The following R3HDML variants were observed in gnomAD, a reference collection of about 807,000 sequenced individuals.
R3HDML encodes R3H domain containing like, also known as peptidase inhibitor R3HDML.
Under a neutral mutation model 24.2 loss-of-function variants are expected in R3HDML, and 21 were observed. That is an observed-to-expected ratio of 0.87 (90% CI 0.62 to 1.25). R3HDML has a LOEUF of 1.25. R3HDML is among the 50% of genes most tolerant of loss of function. The pLI is 0.00. For missense variants in R3HDML, 301 were observed against 340.3 expected (o/e 0.88, Z 0.91); for synonymous variants, 133 against 131.5 (o/e 1.01, Z -0.08).
chr20:44,339,084 AT>A (rs1427480458), intron 1 of R3HDML, among the ~76,000 whole-genome samples: 21 of 150,576 alleles, frequency 1.4e-4, no homozygotes, highest in African/African-American at 3.9e-4. Flanking sequence ...AAAAAAAAAA[AT>A]ATTGGGCCAG....
chr20:44,343,178 A>G (rs1463139005), intron 2 of R3HDML, among the ~76,000 whole-genome samples, 199 bp from the exon 3 acceptor site: 1 of 152,092 alleles, frequency 6.6e-6, no homozygotes, highest in African/African-American at 2.4e-5. Context: ...AGGACTTACC[A>G]CTTGCCAGGT....
In R3HDML at chr20:44,341,291, G is replaced by A. The variant is rs373263124; in HGVS notation, c.357G>A (p.Gln119=). The A allele has an allele frequency of 6.2e-5, 100 of 1,613,882 alleles. No homozygotes were observed. Among genetic ancestry groups the A allele is most frequent in the Non-Finnish European group, 8.1e-5 (95 of 1,179,872 alleles). The change falls in exon 2 of 5, where the codon CAG becomes CAA. Residue 119 remains glutamine (Q), a synonymous_variant. Coordinates refer to ENST00000217043, the MANE Select transcript of R3HDML (RefSeq NM_178491.4). The stretch of plus-strand genomic sequence containing the variant: ...CACAGCTGATGAGATACGTGGGCCA[G>A]AACCTCTCCATCCATTCTGGCCAGT... The part of the protein sequence containing the change: ...GPSQLMRYVG[Q]NLSIHSGQYR...
chr20:44,342,627 T>C (rs899108846), intron 2 of R3HDML, among the ~76,000 whole-genome samples: 1 of 152,216 alleles, frequency 6.6e-6, no homozygotes, highest in East Asian at 1.9e-4. Flanking sequence ...TTTTTATATA[T>C]TTGTGCCCCT....
At chr20:44,340,345 C>A (rs1202976342) in intron 1 of R3HDML, among the ~76,000 whole-genome samples, 2 of 152,176 alleles carry the variant, frequency 1.3e-5, no homozygotes, top group African/African-American at 2.4e-5. Context: ...CCTGCCTCAG[C>A]CTCCCAAAAG....
Position 44,343,505 on chromosome 20 carries a change from C to A in R3HDML, c.509C>A (p.Thr170Asn). Residue 170 changes from threonine (T) to asparagine (N), a missense_variant, in exon 3 of 5, where the codon ACC becomes AAC. Coordinates refer to ENST00000217043, the MANE Select transcript of R3HDML (RefSeq NM_178491.4). ...GATGGCCCCACCTGCTCCCATTATA[C>A]CCAGGTACTCCTCCGTCAGGGCTGA... ...RCDGPTCSHY[T>N]QMVWASSNRL... The A allele has an allele frequency of 6.2e-7, 1 of 1,601,430 alleles. No individual in the cohort carries two copies. The highest frequency in any genetic ancestry group is 8.5e-7 in the Non-Finnish European group (1 of 1,174,110).
chr20:44,337,375 T>C lies in R3HDML; in HGVS notation c.218T>C (p.Ile73Thr). ...MNALLDYHNH[I>T]RASVYPPAAN... ...GCCTTACTGGATTATCACAACCACA[T>C]CCGGGCCAGTGTGTACCCACCTGCC... Residue 73 changes from isoleucine to threonine, a missense_variant, in exon 1 of 5, where the codon ATC becomes ACC. Ile to Thr is a moderately conservative substitution (Grantham distance 89). Coordinates refer to ENST00000217043, the MANE Select transcript of R3HDML (RefSeq NM_178491.4). The surrounding 1 kb of genome is among the most constrained non-coding windows in gnomAD (Gnocchi z 4.7). 1.2e-6 allele frequency: 2 copies of C among 1,614,100 alleles called. No individual in the cohort carries two copies. The highest frequency in any genetic ancestry group is 1.7e-6 in the Non-Finnish European group (2 of 1,180,002).
chr20:44,342,850 A>G (rs541841762), intron 2 of R3HDML, among the ~76,000 whole-genome samples: 123 of 152,256 alleles, frequency 8.1e-4, no homozygotes, highest in Non-Finnish European at 1.4e-3. Context: ...GCTACTTGGG[A>G]GGCTGAGGCA....
intron 1 of R3HDML, among the ~76,000 whole-genome samples, chr20:44,339,579 ATGTGTGTGTGTG>A (rs140076477): frequency 1.4e-5 from 2 of 147,914 alleles, no homozygotes; most frequent in African/African-American, 5.0e-5. Flanking sequence ...GCCTATATAT[ATGTGTGTGTGTG>A]TGTGTGTGTG....
chr20:44,344,195 C>T (rs1405890705), intron 3 of R3HDML, among the ~76,000 whole-genome samples: 3 of 151,788 alleles, frequency 2.0e-5, no homozygotes, highest in Non-Finnish European at 4.4e-5. Flanking sequence ...GCAGGACAAT[C>T]ACTTGAACCC....
chr20:44,340,824 A>G (rs2062770240), intron 1 of R3HDML, among the ~76,000 whole-genome samples: 1 of 152,192 alleles, frequency 6.6e-6, no homozygotes, highest in African/African-American at 2.4e-5. Flanking sequence ...AAAGAAAAGA[A>G]AAAAAGAAAG....
intron 1 of R3HDML, among the ~76,000 whole-genome samples, chr20:44,340,937 A>T (rs559960197): frequency 6.6e-6 from 1 of 152,330 alleles, no homozygotes; most frequent in South Asian, 2.1e-4. Context: ...CTGTACGAAC[A>T]CCCTGGGACC....
At chr20:44,347,232 G>T (rs117810635) in intron 4 of R3HDML, among the ~76,000 whole-genome samples, 35 of 97,482 alleles carry the variant, frequency 3.6e-4, no homozygotes, top group East Asian at 5.9e-4. Context: ...TTTTTTTTTT[G>T]GGGGGGGACG....
chr20:44,337,048 C>T lies in R3HDML; in HGVS notation c.-110C>T. 7.3e-7 allele frequency: 1 copy of T among 1,372,908 alleles called. No individual in the cohort carries two copies. The highest frequency in any genetic ancestry group is 9.8e-7 in the Non-Finnish European group (1 of 1,019,776). 85.0% of individuals were successfully genotyped at this position (1,372,908 alleles called of 1,614,324 possible). A position where few individuals can be genotyped will look rare whatever the true frequency, so the allele number is the denominator to read the frequency against. On this transcript the variant is annotated 5_prime_UTR_variant, in exon 1 of 5. Transcript: ENST00000217043. The surrounding 1 kb of genome is among the most constrained non-coding windows in gnomAD (Gnocchi z 4.7). ...CCAAGTTCCCAGGAGGCAGCATCCT[C>T]TGGGTCGGCACTGTTGGAGAACGCT... is the stretch of plus-strand genomic sequence containing the variant.
chr20:44,342,770 A>T (rs1427147851), intron 2 of R3HDML, among the ~76,000 whole-genome samples: 1 of 152,096 alleles, frequency 6.6e-6, no homozygotes, highest in African/African-American at 2.4e-5. Context: ...TGGCCAACAT[A>T]GTGAAACCTC....
intron 1 of R3HDML, among the ~76,000 whole-genome samples, chr20:44,339,862 T>G (rs1472864054): frequency 6.6e-6 from 1 of 152,134 alleles, no homozygotes; most frequent in Non-Finnish European, 1.5e-5. Flanking sequence ...CACTACAACC[T>G]CTGCCTCCTG....
intron 1 of R3HDML, among the ~76,000 whole-genome samples, chr20:44,338,488 G>A (rs535631968): frequency 6.6e-6 from 1 of 152,318 alleles, no homozygotes; most frequent in African/African-American, 2.4e-5. Context: ...CGGGATGGCA[G>A]GCAGCTAGAG....
intron 4 of R3HDML, among the ~76,000 whole-genome samples, chr20:44,348,893 G>A (rs557213818): frequency 9.2e-5 from 14 of 152,210 alleles, no homozygotes; most frequent in African/African-American, 3.1e-4. Context: ...GCTCACGCCT[G>A]TAATCCCAGC....
At chr20:44,338,924 T>G (rs1170528048) in intron 1 of R3HDML, among the ~76,000 whole-genome samples, 1 of 151,790 alleles carries the variant, frequency 6.6e-6, no homozygotes, top group African/African-American at 2.4e-5. Context: ...ATACAAAAAT[T>G]AGCTGGGTGT....
chr20:44,340,332 C>T (rs1258342610), intron 1 of R3HDML, among the ~76,000 whole-genome samples: 1 of 151,874 alleles, frequency 6.6e-6, no homozygotes, highest in African/African-American at 2.4e-5. Context: ...CTCAAGTGAT[C>T]TGCCTGCCTC....
Sources: gnomAD v4.1 joint callset for allele counts (sites outside exome capture counted in the v4.1 genomes callset) on GRCh38, gnomAD v4.1.1 for gene constraint, Gnocchi (gnomAD v3.1) non-coding constraint, MANE v1.5 for transcripts, NCBI Gene and HGNC (gene_info 2026-07-23, HGNC 2026-07-21) for gene names.